The following SEMA3A variants were observed in gnomAD, a reference collection of about 807,000 sequenced individuals.
SEMA3A encodes the protein semaphorin 3A, also known as semaphorin-3A.
A neutral mutation model predicts 97.9 loss-of-function variants in SEMA3A; 29 were observed. The observed-to-expected ratio is 0.30, with a 90% CI of 0.22 to 0.40. The LOEUF is 0.40. Among genes scored for constraint, SEMA3A ranks in the 10% least tolerant of loss-of-function variants. The pLI is 1.00. For missense variants in SEMA3A, 763 were observed against 951.3 expected, an observed-to-expected ratio of 0.80 and a Z score of 2.60; for synonymous variants, 321 against 323.7, an observed-to-expected ratio of 0.99 and a Z score of 0.09.
chr7:84,334,730 T>C (rs1801995043), intron 2 of SEMA3A, among the ~76,000 whole-genome samples: 1 of 149,788 alleles, frequency 6.7e-6, no homozygotes, highest in Non-Finnish European at 1.5e-5. Context: ...CCCTGCTTCT[T>C]CCCTCCTGTC....
intron 1 of SEMA3A, among the ~76,000 whole-genome samples, chr7:84,483,002 T>G (rs990028427): frequency 6.6e-6 from 1 of 151,968 alleles, no homozygotes; most frequent in Non-Finnish European, 1.5e-5. Flanking sequence ...GTTTTTAAAG[T>G]TTACAGAAAG....
intron 1 of SEMA3A, among the ~76,000 whole-genome samples, chr7:84,406,349 G>A (rs970767278): frequency 3.0e-4 from 45 of 152,190 alleles, no homozygotes; most frequent in African/African-American, 1.1e-3. Flanking sequence ...ACTAAACCAG[G>A]AAGAAGCTGA....
intron 3 of SEMA3A, among the ~76,000 whole-genome samples, chr7:84,269,467 A>AGG (rs1470370029): frequency 6.6e-6 from 1 of 151,392 alleles, no homozygotes; most frequent in African/African-American, 2.4e-5. Context: ...TAGAGCTTAT[A>AGG]GGGACCTAGG....
At chr7:84,345,300 T>C (rs1051733377) in intron 2 of SEMA3A, among the ~76,000 whole-genome samples, 23 of 152,214 alleles carry the variant, frequency 1.5e-4, no homozygotes, top group African/African-American at 5.5e-4. Flanking sequence ...TTTTTGTTGG[T>C]AGGAGGTCTT....
At chr7:84,066,417 C>T (rs1044657621) in intron 4 of SEMA3A, among the ~76,000 whole-genome samples, 4 of 141,410 alleles carry the variant, frequency 2.8e-5, no homozygotes, top group Admixed American at 1.4e-4. Flanking sequence ...GAAGTTCTGG[C>T]CAGGGCAGTT....
chr7:84,143,939 T>C (rs920266529), intron 1 of SEMA3A, among the ~76,000 whole-genome samples: 26 of 142,194 alleles, frequency 1.8e-4, no homozygotes, highest in African/African-American at 6.7e-4. Flanking sequence ...TCTCTCTCTC[T>C]CTCTCTCTCT....
At chr7:84,223,573 A>C (rs575116560) in intron 3 of SEMA3A, among the ~76,000 whole-genome samples, 1 of 152,046 alleles carries the variant, frequency 6.6e-6, no homozygotes, top group Admixed American at 6.6e-5. Flanking sequence ...ATGTTTCAAA[A>C]TTCAACTCAA....
At chr7:84,206,185 C>T (rs981854654) in intron 3 of SEMA3A, among the ~76,000 whole-genome samples, 1 of 152,070 alleles carries the variant, frequency 6.6e-6, no homozygotes, top group Non-Finnish European at 1.5e-5. Flanking sequence ...GCATTCTTCC[C>T]ATTCTGATTT....
intron 9 of SEMA3A, among the ~76,000 whole-genome samples, chr7:84,009,246 C>T (rs1790784620): frequency 6.6e-6 from 1 of 152,176 alleles, no homozygotes. Context: ...AGTCACTGCA[C>T]TAAGCAATGA....
intron 4 of SEMA3A, among the ~76,000 whole-genome samples, chr7:84,093,231 A>G (rs975011794): frequency 6.6e-6 from 1 of 152,190 alleles, no homozygotes; most frequent in Admixed American, 6.5e-5. Flanking sequence ...AATGGTCTTC[A>G]ACAGTTCAGA....
rs182253470 is a variant in SEMA3A at position 84,150,501 on chromosome 7, T to A, written c.113-15550A>T. Among the ~76,000 whole-genome samples, 196 of 152,170 alleles carry A rather than the reference T, an allele frequency of 1.3e-3. 3 individuals carry two copies. In the East Asian group the frequency reaches 0.032, roughly 25 times the overall value. On this transcript the variant is annotated intron_variant, in intron 1 of 16. Coordinates refer to ENST00000265362, the MANE Select transcript of SEMA3A (RefSeq NM_006080.3). ...GACGGACGGCACCTGGAGAATCGGG[T>A]CACTCCCACCCGAATACTGTGCTTT...
At chr7:84,049,324 T>A (rs1792494079) in intron 5 of SEMA3A, among the ~76,000 whole-genome samples, 1 of 152,142 alleles carries the variant, frequency 6.6e-6, no homozygotes, top group African/African-American at 2.4e-5. Flanking sequence ...GTAAACTATT[T>A]AGTTGCACTG....
intron 3 of SEMA3A, among the ~76,000 whole-genome samples, chr7:84,124,929 T>C (rs937372103): frequency 6.6e-6 from 1 of 151,782 alleles, no homozygotes; most frequent in Non-Finnish European, 1.5e-5. Flanking sequence ...AAAATATATC[T>C]TGCATAAAAA....
chr7:83,963,269 G>A lies in SEMA3A; in HGVS notation c.1796C>T (p.Pro599Leu), dbSNP rs368410248. 8 of 1,613,466 alleles carry A rather than the reference G, an allele frequency of 5.0e-6. No homozygotes were observed. The African/African-American group carries it at 6.7e-5, about 13-fold the overall frequency. Residue 599 changes from proline to leucine, a missense_variant, in exon 16 of 17, where the codon CCG becomes CTG. Physicochemically the swap from Pro to Leu is moderately conservative, Grantham distance 98. Transcript: ENST00000265362. ...ENSSTFLECS[P>L]KSQRALVYWQ... ...ATAGACCAGCGCTCTCTGCGACTTC[G>A]GACTGCATTCCAAAAATGTGCTACT...
At chr7:84,172,719 C>G (rs1166593559) in intron 1 of SEMA3A, among the ~76,000 whole-genome samples, 1 of 152,168 alleles carries the variant, frequency 6.6e-6, no homozygotes, top group East Asian at 1.9e-4. Flanking sequence ...GGCCACTGCA[C>G]CCAGCCTGCT....
chr7:84,430,627 T>G (rs561180195), intron 1 of SEMA3A, among the ~76,000 whole-genome samples: 1 of 152,116 alleles, frequency 6.6e-6, no homozygotes, highest in South Asian at 2.1e-4. Flanking sequence ...AACATAGTAA[T>G]CTGACTCCAT....
At chr7:84,049,266 T>C (rs1038653998) in intron 5 of SEMA3A, among the ~76,000 whole-genome samples, 7 of 152,166 alleles carry the variant, frequency 4.6e-5, no homozygotes, top group Non-Finnish European at 8.8e-5. Flanking sequence ...ACCAGATGAT[T>C]AAGTGGCCAT....
rs1227786442 is a variant in SEMA3A, at chr7:84,360,270, G to T, written c.-169+11554C>A. On this transcript the variant is annotated intron_variant, in intron 2 of 3. Transcript: ENST00000424555. Reference sequence around the variant, plus strand: ...AGATCATTCCTGCTTTCTCTTGTGGGCATTTAGTGCTATAAATTTCCCTCT... The same window carrying T: ...AGATCATTCCTGCTTTCTCTTGTGGTCATTTAGTGCTATAAATTTCCCTCT... Among the ~76,000 whole-genome samples the T allele has an allele frequency of 2.6e-5, 4 of 151,842 alleles. No individual in the cohort carries two copies. In the East Asian group the frequency reaches 7.8e-4, roughly 29 times the overall value.
chr7:84,201,178 T>C (rs1798347024), intron 3 of SEMA3A, among the ~76,000 whole-genome samples: 1 of 152,126 alleles, frequency 6.6e-6, no homozygotes, highest in African/African-American at 2.4e-5. Flanking sequence ...AAAAGAATGT[T>C]GCACCTCAGA....
Sources: allele counts gnomAD v4.1 joint callset (sites outside exome capture counted in the v4.1 genomes callset), GRCh38; gene constraint gnomAD v4.1.1; transcripts MANE v1.5; gene names NCBI Gene and HGNC (gene_info 2026-07-23, HGNC 2026-07-21).